Variants in YEATS2 observed in about 807,000 individuals in gnomAD.
YEATS2 encodes the protein YEATS domain-containing protein 2.
YEATS2 carries 77 observed loss-of-function variants against 163.2 expected under a neutral mutation model. That is an observed-to-expected ratio of 0.47 (90% CI 0.39 to 0.57). The LOEUF (loss-of-function observed/expected upper bound fraction) is 0.57. Ranked by LOEUF, YEATS2 falls within the 20% of genes least tolerant of loss-of-function variation. YEATS2 has a pLI of 0.00. For missense variants in YEATS2, 1,549 were observed against 1,729.8 expected (o/e 0.90, Z 1.85); for synonymous variants, 631 against 645.1 (o/e 0.98, Z 0.33).
Position 183,752,140 on chromosome 3 carries a change from C to T in YEATS2, c.1037C>T (p.Ser346Phe). 1 of 1,614,154 alleles carries T rather than the reference C, an allele frequency of 6.2e-7. No individual in the cohort carries two copies. The highest frequency in any genetic ancestry group is 8.5e-7 in the Non-Finnish European group (1 of 1,180,018). Residue 346 changes from serine (S) to phenylalanine (F), a missense_variant, in exon 10 of 31, where the codon TCT becomes TTT. Transcript: ENST00000305135. ...TGTATCTATCCTCAGTCCTCGGAGT[C>T]TGACATCTCTGATGCCCCTCCATCT... Reference protein sequence around the residue: ...EDCIYPQSSESDISDAPPSLP... With the variant: ...EDCIYPQSSEFDISDAPPSLP...
intron 8 of YEATS2, among the ~76,000 whole-genome samples, chr3:183,737,878 A>T (rs1219681780): frequency 6.6e-6 from 1 of 152,224 alleles, no homozygotes; most frequent in Admixed American, 6.5e-5. Context: ...TTTTAAAAAA[A>T]TTGAAGATTT....
intron 2 of YEATS2, among the ~76,000 whole-genome samples, chr3:183,716,455 G>A (rs57990181): frequency 0.052 from 7,966 of 152,144 alleles, 557 homozygotes; most frequent in African/African-American, 0.15. Context: ...GAAGTCCTAC[G>A]TATCCCCAGA....
At position 183,736,770 on chromosome 3, in the gene YEATS2, G is replaced by A. The variant is rs571520110; in HGVS notation, c.865G>A (p.Val289Ile). 1.8e-5 allele frequency: 29 copies of A among 1,613,990 alleles called. No individual in the cohort carries two copies. In the South Asian group the frequency reaches 3.1e-4, roughly 17 times the overall value. Residue 289 changes from valine to isoleucine, a missense_variant, in exon 8 of 31, where the codon GTT (valine) becomes ATT (isoleucine). Physicochemically the swap from Val to Ile is conservative, Grantham distance 29. Coordinates refer to ENST00000305135, the MANE Select transcript of YEATS2 (RefSeq NM_018023.5). ...AGGCTGGGGTGAGTTTCCCGTCAGA[G>A]TTCAAGTTCATTTTAAGGACAGCCA... is the stretch of plus-strand genomic sequence containing the variant. ...RRGWGEFPVR[V>I]QVHFKDSQNK...
intron 21 of YEATS2, among the ~76,000 whole-genome samples, chr3:183,796,148 A>ATTTTTTTTTTTTTTTTTTT (rs1176974770): frequency 1.4e-4 from 13 of 96,058 alleles, no homozygotes; most frequent in African/African-American, 4.3e-4. Context: ...ATGCCCGGCT[A>ATTTTTTTTTTTTTTTTTTT]TTTTTTTTTT....
At chr3:183,793,556 T>A in intron 21 of YEATS2, 1 of 520,684 alleles carries the variant, frequency 1.9e-6, no homozygotes, top group Non-Finnish European at 2.5e-6. Context: ...CTGTAAGTTC[T>A]AGTTTCCTAA....
intron 8 of YEATS2, among the ~76,000 whole-genome samples, chr3:183,738,433 GA>G (rs1173555558): frequency 7.8e-6 from 1 of 127,628 alleles, no homozygotes; most frequent in Non-Finnish European, 1.6e-5. Context: ...TTAAGTTTTA[GA>G]GTACATGTGC....
chr3:183,715,085 C>A (rs1164011615), intron 1 of YEATS2, 59 bp from the exon 2 acceptor site: 6 of 1,075,510 alleles, frequency 5.6e-6, no homozygotes, highest in African/African-American at 1.6e-5. Flanking sequence ...TGCAGTGTTA[C>A]TACAACCCAA....
rs1449188806 is a variant in YEATS2 at position 183,728,866 on chromosome 3, G to C, written c.812+15G>C. ...GTGGAAGTTAGGTAAGCACGCTTGA[G>C]GTATTTAACCTAAATTGAAATGCAG... On this transcript the variant is annotated intron_variant, in intron 7 of 30. Transcript: ENST00000305135. The C allele has an allele frequency of 6.3e-7, 1 of 1,597,308 alleles. No homozygotes were observed. The highest frequency in any genetic ancestry group is 8.5e-7 in the Non-Finnish European group (1 of 1,174,594).
intron 7 of YEATS2, 53 bp from the exon 8 acceptor site, chr3:183,736,665 G>T: frequency 1.4e-6 from 2 of 1,391,048 alleles, no homozygotes; most frequent in Non-Finnish European, 2.0e-6. Flanking sequence ...CTTTTCCTGT[G>T]TAGGATGAGA....
chr3:183,758,852 TGC>T lies in YEATS2; in HGVS notation c.1553-9_1553-8del. On this transcript the variant is annotated splice_region_variant and splice_polypyrimidine_tract_variant and intron_variant, in intron 12 of 30. Transcript: ENST00000305135. ...CTTTGTTTATGTTTTAATTGTGCCT[TGC>T]TTATCAGGAAGTCCTACAAACAAGA... 1 of 1,550,886 alleles carries T rather than the reference TGC, an allele frequency of 6.4e-7. No homozygotes were observed. Among genetic ancestry groups the T allele is most frequent in the Admixed American group, 1.9e-5 (1 of 53,298 alleles).
rs143676328 is a variant in YEATS2, at chr3:183,810,745, C to G, written c.*162C>G. The stretch of plus-strand genomic sequence containing the variant: ...TCCCACGTGTCACCAGCACGCTGCA[C>G]TCCAGATGAAATCCTCCTAGGACAG... On this transcript the variant is annotated 3_prime_UTR_variant, in exon 31 of 31. Transcript: ENST00000305135. 2.8e-3 allele frequency: 1,698 copies of G among 616,976 alleles called. No homozygotes were observed. Among genetic ancestry groups the G allele is most frequent in the Non-Finnish European group, 4.2e-3 (1,449 of 347,102 alleles). 38.2% of individuals were successfully genotyped at this position (616,976 alleles called of 1,614,324 possible).
chr3:183,775,865 G>C, intron 17 of YEATS2, 50 bp from the exon 18 acceptor site: 1 of 1,609,046 alleles, frequency 6.2e-7, no homozygotes, highest in Non-Finnish European at 8.5e-7. Flanking sequence ...TTATGCTAAA[G>C]CTTTGCTTGA....
chr3:183,708,974 A>G (rs941515158), intron 1 of YEATS2, among the ~76,000 whole-genome samples: 2 of 152,086 alleles, frequency 1.3e-5, no homozygotes, highest in Non-Finnish European at 2.9e-5. Flanking sequence ...AGCCTGGCCA[A>G]CATAGTGAAA....
intron 10 of YEATS2, among the ~76,000 whole-genome samples, chr3:183,753,501 C>G (rs1720399240): frequency 1.3e-5 from 2 of 152,130 alleles, no homozygotes; most frequent in Admixed American, 6.6e-5. Flanking sequence ...AATTCCCAGC[C>G]TTTTGGGAGG....
intron 8 of YEATS2, among the ~76,000 whole-genome samples, chr3:183,745,217 T>A (rs1211429003): frequency 2.0e-5 from 3 of 152,196 alleles, no homozygotes; most frequent in Non-Finnish European, 4.4e-5. Context: ...CCATCTCCTT[T>A]CTTCATAGGG....
At chr3:183,750,632 T>C (rs1214788735) in intron 9 of YEATS2, among the ~76,000 whole-genome samples, 3 of 152,226 alleles carry the variant, frequency 2.0e-5, no homozygotes, top group Non-Finnish European at 2.9e-5. Flanking sequence ...TTCTGTTGTT[T>C]GTGATGTGAT....
chr3:183,793,576 G>T, intron 21 of YEATS2: 2 of 267,948 alleles, frequency 7.5e-6, no homozygotes, highest in Non-Finnish European at 1.1e-5. Context: ...AGATGCTGCT[G>T]ATGGAACTTT....
intron 6 of YEATS2, among the ~76,000 whole-genome samples, chr3:183,725,187 C>A (rs1222305565): frequency 6.6e-6 from 1 of 151,724 alleles, no homozygotes; most frequent in Non-Finnish European, 1.5e-5. Flanking sequence ...TGCACAGTAT[C>A]CACAAAGGAT....
At chr3:183,790,699 A>G in intron 20 of YEATS2, 98 bp from the exon 21 acceptor site, 1 of 1,299,382 alleles carries the variant, frequency 7.7e-7, no homozygotes, top group Admixed American at 2.1e-5. Flanking sequence ...CACCTAATAG[A>G]TGATATTTAG....
Sources: allele counts gnomAD v4.1 joint callset (sites outside exome capture counted in the v4.1 genomes callset), GRCh38; gene constraint gnomAD v4.1.1; transcripts MANE v1.5; gene names NCBI Gene and HGNC (gene_info 2026-07-23, HGNC 2026-07-21).